CLASP2: variants seen among roughly 807,000 people sequenced by gnomAD.
CLASP2 encodes cytoplasmic linker associated protein 2.
Under a neutral mutation model 194.4 loss-of-function variants are expected in CLASP2, and 47 were observed. The observed-to-expected ratio is 0.24, with a 90% CI of 0.19 to 0.31. The LOEUF (loss-of-function observed/expected upper bound fraction) is 0.31, where lower values mean the gene tolerates loss of function less well. Ranked by LOEUF, CLASP2 falls within the 10% of genes least tolerant of loss-of-function variation. The probability of loss-of-function intolerance (pLI) is 1.00; values close to 1 mark genes in which losing one functional copy is unlikely to be tolerated. For missense variants in CLASP2, 1,445 were observed against 1,823.6 expected (o/e 0.79, Z 3.78); for synonymous variants, 619 against 633.5 (o/e 0.98, Z 0.34).
intron 37 of CLASP2, 68 bp downstream of exon 37, chr3:33,510,490 G>C (rs1318992585): frequency 7.6e-6 from 11 of 1,443,638 alleles, no homozygotes; most frequent in South Asian, 1.2e-5. Context: ...ATGATGCCTG[G>C]AAAGTACCTA....
At chr3:33,613,975 G>C (rs1035147817) in intron 12 of CLASP2, among the ~76,000 whole-genome samples, 5 of 152,148 alleles carry the variant, frequency 3.3e-5, no homozygotes, top group Admixed American at 2.6e-4. Flanking sequence ...TACAGATGAA[G>C]CATTCAATCA....
At chr3:33,645,458 G>A in intron 7 of CLASP2, 2 of 659,302 alleles carry the variant, frequency 3.0e-6, no homozygotes, top group Non-Finnish European at 2.7e-6. Flanking sequence ...GTTTGTGCCG[G>A]CATTTTTCTT....
intron 33 of CLASP2, among the ~76,000 whole-genome samples, chr3:33,538,583 T>G (rs1306643191): frequency 6.6e-6 from 1 of 152,184 alleles, no homozygotes; most frequent in African/African-American, 2.4e-5. Flanking sequence ...TATGAAAATC[T>G]AAAAGGAATT....
chr3:33,524,460 G>C (rs1194131805), intron 34 of CLASP2, among the ~76,000 whole-genome samples: 2 of 151,996 alleles, frequency 1.3e-5, no homozygotes, highest in Non-Finnish European at 2.9e-5. Flanking sequence ...GACCAGACCA[G>C]GCAACACAGT....
At chr3:33,561,257 T>C (rs182149680) in intron 27 of CLASP2, among the ~76,000 whole-genome samples, 2 of 152,216 alleles carry the variant, frequency 1.3e-5, no homozygotes, top group Admixed American at 6.5e-5. Flanking sequence ...TTATCAATGA[T>C]GCCACAGCTT....
chr3:33,525,348 T>C (rs1262642202), intron 34 of CLASP2, among the ~76,000 whole-genome samples: 5 of 151,914 alleles, frequency 3.3e-5, no homozygotes, highest in Non-Finnish European at 7.4e-5. Flanking sequence ...AAGTAGCTAG[T>C]GTACATGGCT....
intron 32 of CLASP2, among the ~76,000 whole-genome samples, chr3:33,541,170 T>C (rs568328532): frequency 6.6e-6 from 1 of 152,282 alleles, no homozygotes; most frequent in African/African-American, 2.4e-5. Flanking sequence ...CAAATCTTTC[T>C]GTTATAAAGA....
At chr3:33,705,210 C>T (rs1025526194) in intron 1 of CLASP2, among the ~76,000 whole-genome samples, 2 of 152,316 alleles carry the variant, frequency 1.3e-5, no homozygotes, top group Non-Finnish European at 1.5e-5. Flanking sequence ...GAATTTTACT[C>T]ATCCATAAAT....
chr3:33,660,559 T>C (rs1264716686), intron 7 of CLASP2, among the ~76,000 whole-genome samples: 1 of 152,182 alleles, frequency 6.6e-6, no homozygotes, highest in African/African-American at 2.4e-5. Flanking sequence ...TAAATCAATA[T>C]GCTGTAAGAT....
intron 2 of CLASP2, among the ~76,000 whole-genome samples, chr3:33,694,088 G>C (rs1440329176): frequency 6.6e-6 from 1 of 151,882 alleles, no homozygotes; most frequent in Non-Finnish European, 1.5e-5. Context: ...TGGAGAAGAG[G>C]GGAAGATTTC....
chr3:33,540,232 ATT>A (rs11398038), intron 32 of CLASP2, among the ~76,000 whole-genome samples: 11 of 122,090 alleles, frequency 9.0e-5, no homozygotes, highest in Admixed American at 9.0e-5. Context: ...GACTGGCCAA[ATT>A]TTTTTTTTTT....
chr3:33,642,374 G>A (rs912956360), intron 8 of CLASP2, among the ~76,000 whole-genome samples: 1 of 151,450 alleles, frequency 6.6e-6, no homozygotes, highest in African/African-American at 2.4e-5. Flanking sequence ...TAAAATATAA[G>A]TTACAAAAAA....
intron 6 of CLASP2, among the ~76,000 whole-genome samples, chr3:33,665,949 T>G (rs1298153313): frequency 6.6e-6 from 1 of 152,130 alleles, no homozygotes; most frequent in Non-Finnish European, 1.5e-5. Flanking sequence ...GAGACTGGAT[T>G]GTCCAAAAGA....
At position 33,601,161 on chromosome 3, in the gene CLASP2, C is replaced by T. The variant is rs961818870; in HGVS notation, c.1924+1791G>A. On this transcript the variant is annotated intron_variant, in intron 18 of 38. Coordinates refer to ENST00000682230, the MANE Select transcript of CLASP2 (RefSeq NM_001365631.1). The stretch of plus-strand genomic sequence containing the variant: ...ATTTTTAGTAGAGACGGTGTTTCAC[C>T]GTGTTAGCCAGGATGGTCTCGATCT... Among the ~76,000 whole-genome samples the T allele has an allele frequency of 3.3e-5, 5 of 152,042 alleles. No homozygotes were observed. In the East Asian group the frequency reaches 9.7e-4, roughly 29 times the overall value.
At chr3:33,707,686 C>CA (rs752302792) in intron 1 of CLASP2, among the ~76,000 whole-genome samples, 3 of 151,832 alleles carry the variant, frequency 2.0e-5, no homozygotes, top group South Asian at 2.1e-4. Flanking sequence ...CCCTGCCCCA[C>CA]AAAAAAGGAC....
chr3:33,688,422 T>C, intron 3 of CLASP2, 54 bp from the exon 4 acceptor site: 1 of 1,271,126 alleles, frequency 7.9e-7, no homozygotes, highest in South Asian at 1.3e-5. Flanking sequence ...ATTCATGTTA[T>C]AATCTTTTAT....
In CLASP2 at chr3:33,622,117, TA is replaced by T; in HGVS notation, c.1181+17del. On this transcript the variant is annotated intron_variant, in intron 11 of 38. Coordinates refer to ENST00000682230, the MANE Select transcript of CLASP2 (RefSeq NM_001365631.1). ...ATTCATTCATAAAAAACACTTATCATAAAAGGAATATACTTACGCTACAGTA... is the reference window on the plus strand; with the variant it reads ...ATTCATTCATAAAAAACACTTATCATAAAGGAATATACTTACGCTACAGTA... 1.3e-6 allele frequency: 2 copies of T among 1,518,424 alleles called. No individual in the cohort carries two copies. Among genetic ancestry groups the T allele is most frequent in the Admixed American group, 2.2e-5 (1 of 44,462 alleles). 94.1% of individuals were successfully genotyped at this position (1,518,424 alleles called of 1,614,324 possible).
intron 2 of CLASP2, 31 bp from the exon 3 acceptor site, chr3:33,689,963 T>A: frequency 7.4e-7 from 1 of 1,350,152 alleles, no homozygotes; most frequent in Non-Finnish European, 1.0e-6. Flanking sequence ...AAAGAGTAAT[T>A]ACTTATAACT....
At chr3:33,664,716 T>C (rs958578434) in intron 6 of CLASP2, among the ~76,000 whole-genome samples, 2 of 152,284 alleles carry the variant, frequency 1.3e-5, no homozygotes, top group East Asian at 1.9e-4. Context: ...GAGTAGTATA[T>C]TCTGGAGGGT....
Sources: allele counts gnomAD v4.1 joint callset (sites outside exome capture counted in the v4.1 genomes callset), GRCh38; gene constraint gnomAD v4.1.1; transcripts MANE v1.5; gene names NCBI Gene and HGNC (gene_info 2026-07-23, HGNC 2026-07-21).